The following ZCCHC7 variants were observed in gnomAD, a reference collection of about 807,000 sequenced individuals.
The protein encoded by ZCCHC7 is zinc finger CCHC-type containing 7.
In ZCCHC7, 35 loss-of-function variants were observed where a neutral mutation model predicts 52.0. That is an observed-to-expected ratio of 0.67 (90% CI 0.51 to 0.89). ZCCHC7 has a LOEUF of 0.89. Ranked by LOEUF, ZCCHC7 falls within the 40% of genes least tolerant of loss-of-function variation. ZCCHC7 has a pLI of 0.00. For missense variants in ZCCHC7, 574 were observed against 649.1 expected (o/e 0.88, Z 1.26); for synonymous variants, 217 against 221.5 (o/e 0.98, Z 0.18).
At chr9:37,305,891 T>A (rs571255006) in intron 5 of ZCCHC7, among the ~76,000 whole-genome samples, 177 bp downstream of exon 5, 27 of 152,168 alleles carry the variant, frequency 1.8e-4, no homozygotes, top group African/African-American at 6.3e-4. Flanking sequence ...TATAAAGCAG[T>A]GCTCTAAATA....
At chr9:37,155,677 C>T (rs1820778230) in intron 2 of ZCCHC7, among the ~76,000 whole-genome samples, 4 of 152,156 alleles carry the variant, frequency 2.6e-5, no homozygotes, top group Admixed American at 2.6e-4. Flanking sequence ...TTGAAAGTTT[C>T]TTGTTCTCAG....
chr9:37,293,524 A>G (rs945466646), intron 2 of ZCCHC7, among the ~76,000 whole-genome samples: 9 of 152,146 alleles, frequency 5.9e-5, no homozygotes, highest in African/African-American at 2.2e-4. Context: ...CATTTTACAG[A>G]TATTGTAAAT....
At chr9:37,291,647 A>G (rs1828542817) in intron 2 of ZCCHC7, among the ~76,000 whole-genome samples, 1 of 152,166 alleles carries the variant, frequency 6.6e-6, no homozygotes, top group Non-Finnish European at 1.5e-5. Flanking sequence ...TGAATCTAAA[A>G]GTGAAAATGT....
chr9:37,145,578 C>CA (rs758732002), intron 2 of ZCCHC7, among the ~76,000 whole-genome samples: 26 of 151,822 alleles, frequency 1.7e-4, no homozygotes, highest in Non-Finnish European at 3.4e-4. Flanking sequence ...CAGGTGTAAA[C>CA]AAGCCTTAAT....
At chr9:37,251,744 G>A (rs898344482) in intron 2 of ZCCHC7, among the ~76,000 whole-genome samples, 28 of 152,184 alleles carry the variant, frequency 1.8e-4, no homozygotes. Flanking sequence ...TGAAGAGAAA[G>A]CTGCCCAGTG....
At chr9:37,294,538 T>C (rs1828691538) in intron 2 of ZCCHC7, among the ~76,000 whole-genome samples, 1 of 152,308 alleles carries the variant, frequency 6.6e-6, no homozygotes, top group African/African-American at 2.4e-5. Context: ...TTGAAGTCCA[T>C]TTTAATTCTT....
At chr9:37,267,007 T>G (rs1827136418) in intron 2 of ZCCHC7, among the ~76,000 whole-genome samples, 1 of 152,182 alleles carries the variant, frequency 6.6e-6, no homozygotes, top group Non-Finnish European at 1.5e-5. Flanking sequence ...AAAAAAATGT[T>G]ATATTGAGAG....
intron 2 of ZCCHC7, among the ~76,000 whole-genome samples, chr9:37,157,516 A>G (rs79973378): frequency 0.05 from 7,683 of 152,152 alleles, 635 homozygotes; most frequent in African/African-American, 0.17. Flanking sequence ...AACCTACAGA[A>G]TGAGAGAAAA....
chr9:37,186,704 C>A, intron 2 of ZCCHC7: 1 of 576,774 alleles, frequency 1.7e-6, no homozygotes, highest in South Asian at 2.2e-5. Context: ...ATTTTTTTTT[C>A]CTTGCAGGCC....
intron 2 of ZCCHC7, among the ~76,000 whole-genome samples, chr9:37,288,968 T>C (rs1203980972): frequency 6.6e-6 from 1 of 152,138 alleles, no homozygotes; most frequent in African/African-American, 2.4e-5. Flanking sequence ...TAATCCAGTA[T>C]CCAATGGCAT....
intron 2 of ZCCHC7, among the ~76,000 whole-genome samples, chr9:37,271,697 G>A (rs549707431): frequency 1.5e-4 from 23 of 152,120 alleles, no homozygotes; most frequent in Admixed American, 2.6e-4. Context: ...AGCCTCCTGA[G>A]TAGCTGGGAC....
At chr9:37,201,750 AG>A (rs1823641141) in intron 2 of ZCCHC7, among the ~76,000 whole-genome samples, 1 of 152,240 alleles carries the variant, frequency 6.6e-6, no homozygotes, top group South Asian at 2.1e-4. Context: ...GGATGTGAAA[AG>A]GGCAGAGTAA....
rs994353191 is a variant in ZCCHC7 at position 37,126,606 on chromosome 9, A to G, written c.274A>G (p.Ile92Val). Reference sequence around the variant, plus strand: ...CCAGCTGTCAGATGGGTCAGAGGTCATCACTTTGTCTGATGAAGACAGTAT... The same window carrying G: ...CCAGCTGTCAGATGGGTCAGAGGTCGTCACTTTGTCTGATGAAGACAGTAT... ...VIQLSDGSEV[I>V]TLSDEDSIYR... Residue 92 changes from isoleucine (I) to valine (V), a missense_variant, in exon 2 of 9, where the codon ATC becomes GTC. Coordinates refer to ENST00000336755, the MANE Select transcript of ZCCHC7 (RefSeq NM_032226.3). 1 of 1,614,200 alleles carries G rather than the reference A, an allele frequency of 6.2e-7. No homozygotes were observed. The highest frequency in any genetic ancestry group is 8.5e-7 in the Non-Finnish European group (1 of 1,180,032).
intron 2 of ZCCHC7, among the ~76,000 whole-genome samples, chr9:37,131,361 A>G (rs1465954783): frequency 6.7e-6 from 1 of 148,454 alleles, no homozygotes; most frequent in East Asian, 2.0e-4. Context: ...AAAAAAAAAT[A>G]CAGGCCGGGC....
chr9:37,155,283 C>A (rs1341819871), intron 2 of ZCCHC7, among the ~76,000 whole-genome samples: 1 of 152,046 alleles, frequency 6.6e-6, no homozygotes, highest in Non-Finnish European at 1.5e-5. Flanking sequence ...ATGGTGTGAA[C>A]CCGGGAGGCA....
chr9:37,329,734 T>A (rs557063089), intron 6 of ZCCHC7, among the ~76,000 whole-genome samples: 2 of 151,966 alleles, frequency 1.3e-5, no homozygotes, highest in East Asian at 3.9e-4. Context: ...AGATGCATGA[T>A]GATTTTAGTC....
intron 2 of ZCCHC7, among the ~76,000 whole-genome samples, chr9:37,223,506 G>A (rs1040887165): frequency 6.6e-6 from 1 of 152,068 alleles, no homozygotes; most frequent in Non-Finnish European, 1.5e-5. Flanking sequence ...AGAAGTTGGG[G>A]GAGGTTACTT....
At chr9:37,340,090 T>C (rs1371730622) in intron 6 of ZCCHC7, among the ~76,000 whole-genome samples, 1 of 152,190 alleles carries the variant, frequency 6.6e-6, no homozygotes, top group Non-Finnish European at 1.5e-5. Context: ...TGGCATTCAT[T>C]CATTCATTCC....
At chr9:37,153,628 C>CA (rs1820658798) in intron 2 of ZCCHC7, among the ~76,000 whole-genome samples, 1 of 149,752 alleles carries the variant, frequency 6.7e-6, no homozygotes, top group Admixed American at 6.6e-5. Context: ...TTCTTTCTTT[C>CA]TTTTTTTTTT....
Sources: gnomAD v4.1 joint callset for allele counts (sites outside exome capture counted in the v4.1 genomes callset) on GRCh38, gnomAD v4.1.1 for gene constraint, MANE v1.5 for transcripts, NCBI Gene and HGNC (gene_info 2026-07-23, HGNC 2026-07-21) for gene names.